KNTC1: variants seen among roughly 807,000 people sequenced by gnomAD.
The protein encoded by KNTC1 is kinetochore-associated protein 1.
KNTC1 carries 253 observed loss-of-function variants against 314.4 expected under a neutral mutation model. That is an observed-to-expected ratio of 0.80 (90% CI 0.73 to 0.89). KNTC1 has a LOEUF of 0.89. Among genes scored for constraint, KNTC1 ranks in the 40% least tolerant of loss-of-function variants. The pLI is 0.00. For missense variants in KNTC1, 2,475 were observed against 2,572.9 expected, an observed-to-expected ratio of 0.96 and a Z score of 0.82; for synonymous variants, 901 against 901.4, an observed-to-expected ratio of 1.00 and a Z score of 0.01.
At chr12:122,531,262 T>C (rs1961291378) in intron 2 of KNTC1, among the ~76,000 whole-genome samples, 2 of 152,070 alleles carry the variant, frequency 1.3e-5, no homozygotes, top group African/African-American at 4.8e-5. Context: ...CTTGCTGTGG[T>C]GCTATCTCGG....
intron 20 of KNTC1, among the ~76,000 whole-genome samples, chr12:122,563,171 TGTC>T (rs1222951636): frequency 6.6e-6 from 1 of 152,034 alleles, no homozygotes; most frequent in Non-Finnish European, 1.5e-5. Context: ...ACATCCTTGT[TGTC>T]ATTTCTTCTT....
At chr12:122,613,042 A>T in intron 53 of KNTC1, 70 bp from the exon 54 acceptor site, 1 of 786,290 alleles carries the variant, frequency 1.3e-6, no homozygotes, top group Non-Finnish European at 2.2e-6. Context: ...TATGTTGCCT[A>T]TGTTGAAACT....
At chr12:122,562,472 TGTGTG>T (rs1369678626) in intron 19 of KNTC1, among the ~76,000 whole-genome samples, 161 bp from the exon 20 acceptor site, 18 of 151,024 alleles carry the variant, frequency 1.2e-4, no homozygotes, top group Admixed American at 6.6e-5. Context: ...TGTGTGTGTG[TGTGTG>T]TGTATGTGTG....
At chr12:122,618,294 T>G (rs947388105) in intron 57 of KNTC1, 49 bp from the exon 58 acceptor site, 1 of 1,558,614 alleles carries the variant, frequency 6.4e-7, no homozygotes, top group Non-Finnish European at 8.8e-7. Flanking sequence ...TAAAGAGAGT[T>G]TGTAATATCC....
At chr12:122,600,044 G>T (rs1171917324) in intron 44 of KNTC1, among the ~76,000 whole-genome samples, 2 of 151,744 alleles carry the variant, frequency 1.3e-5, no homozygotes, top group Non-Finnish European at 2.9e-5. Flanking sequence ...AAAAGTAATG[G>T]TGTGTGGGTA....
chr12:122,528,818 A>G (rs1007271528), intron 1 of KNTC1, among the ~76,000 whole-genome samples: 1 of 152,126 alleles, frequency 6.6e-6, no homozygotes, highest in Non-Finnish European at 1.5e-5. Flanking sequence ...TGTGGAACAC[A>G]TGGATATTGA....
chr12:122,601,735 ACT>A (rs1871941381), intron 45 of KNTC1, 110 bp downstream of exon 45: 1 of 1,064,356 alleles, frequency 9.4e-7, no homozygotes, highest in Admixed American at 4.3e-5. Flanking sequence ...TTCCCTTTAA[ACT>A]CTGTGGTTTA....
chr12:122,580,999 G>A (rs1965386863), intron 33 of KNTC1, among the ~76,000 whole-genome samples: 1 of 146,594 alleles, frequency 6.8e-6, no homozygotes, highest in Non-Finnish European at 1.5e-5. Context: ...CTGGACTCCA[G>A]CCTGGGTGAC....
intron 4 of KNTC1, 47 bp downstream of exon 4, chr12:122,538,501 A>C: frequency 9.2e-7 from 1 of 1,084,522 alleles, no homozygotes; most frequent in Non-Finnish European, 1.3e-6. Flanking sequence ...ATTCTAAATA[A>C]TCTCTTAGAC....
At chr12:122,583,692 G>C (rs1868780862) in intron 34 of KNTC1, among the ~76,000 whole-genome samples, 1 of 152,050 alleles carries the variant, frequency 6.6e-6, no homozygotes, top group Non-Finnish European at 1.5e-5. Context: ...CGGGTGTGGT[G>C]GTGGGCACCT....
chr12:122,567,984 A>AGTTT (rs1013050966), intron 20 of KNTC1, among the ~76,000 whole-genome samples: 1 of 152,196 alleles, frequency 6.6e-6, no homozygotes, highest in Non-Finnish European at 1.5e-5. Flanking sequence ...AACAAACAAG[A>AGTTT]GTGAAAAATA....
intron 26 of KNTC1, among the ~76,000 whole-genome samples, chr12:122,573,944 C>G (rs1388782212): frequency 2.0e-5 from 3 of 152,054 alleles, no homozygotes; most frequent in Admixed American, 2.0e-4. Flanking sequence ...GTACTTTCTT[C>G]AAAGGGCTAT....
intron 62 of KNTC1, among the ~76,000 whole-genome samples, chr12:122,623,809 G>A (rs7974671): frequency 0.076 from 11,529 of 152,208 alleles, 565 homozygotes; most frequent in Middle Eastern, 0.13. Flanking sequence ...GCTTACTCCT[G>A]TAATCCCAGC....
rs143939277 is a variant in KNTC1, at chr12:122,587,718, C to G, written c.3738C>G (p.Gly1246=). ...TCCTTTATCACTCTGCAGGAGATGG[C>G]CTTGTTTTACCTGTTATAAATTCCA... The part of the protein sequence containing the change: ...LPYCSLNEGD[G]LVLPVINSIS... Residue 1246 remains glycine, a synonymous_variant, in exon 39 of 64, where the codon GGC becomes GGG. Transcript: ENST00000333479. The G allele has an allele frequency of 3.1e-6, 5 of 1,611,014 alleles. No homozygotes were observed. The South Asian group carries it at 5.5e-5, about 18-fold the overall frequency.
At chr12:122,591,843 G>A (rs1870246408) in intron 42 of KNTC1, among the ~76,000 whole-genome samples, 1 of 152,234 alleles carries the variant, frequency 6.6e-6, no homozygotes, top group African/African-American at 2.4e-5. Flanking sequence ...AACTCCTAGT[G>A]AGAGGTGACA....
Position 122,611,139 on chromosome 12 carries a change from T to C in KNTC1, c.5622+239T>C. 8.2e-6 allele frequency: 4 copies of C among 489,648 alleles called. No homozygotes were observed. In the South Asian group the frequency reaches 1.0e-4, roughly 12 times the overall value. 30.3% of individuals were successfully genotyped at this position (489,648 alleles called of 1,614,324 possible). On this transcript the variant is annotated intron_variant, in intron 53 of 63. Transcript: ENST00000333479. ...TGGTGCACCTATTGACAGTTTCCAC[T>C]GGCTGTCTGCATTCACAGTGGTTAA... is the stretch of plus-strand genomic sequence containing the variant.
At chr12:122,532,425 T>C (rs574937484) in intron 2 of KNTC1, among the ~76,000 whole-genome samples, 4 of 151,858 alleles carry the variant, frequency 2.6e-5, no homozygotes, top group Non-Finnish European at 5.9e-5. Context: ...AGCAGGATGG[T>C]CTCGATCTCT....
rs1963690082 is a variant in KNTC1 at position 122,557,665 on chromosome 12, G to T, written c.1464G>T (p.Glu488Asp). ...GGATAACCTATGAAACCACTCAAGA[G>T]ATGCTGAATTATGCCAAAACCAGGG... ...AQWITYETTQ[E>D]MLNYAKTRLL... Residue 488 changes from glutamate to aspartate, a missense_variant, in exon 18 of 64, where the codon GAG becomes GAT. Coordinates refer to ENST00000333479, the MANE Select transcript of KNTC1 (RefSeq NM_014708.6). 6.2e-7 allele frequency: 1 copy of T among 1,613,164 alleles called. No individual in the cohort carries two copies. Among genetic ancestry groups the T allele is most frequent in the African/African-American group, 1.3e-5 (1 of 75,048 alleles).
At position 122,588,803 on chromosome 12, in the gene KNTC1, C is replaced by T. The variant is rs545256990; in HGVS notation, c.3986C>T (p.Thr1329Ile). Residue 1329 changes from threonine (T) to isoleucine (I), a missense_variant, in exon 40 of 64, where the codon ACA becomes ATA. Physicochemically the swap from Thr to Ile is moderately conservative, Grantham distance 89 (BLOSUM62 -1). Coordinates refer to ENST00000333479, the MANE Select transcript of KNTC1 (RefSeq NM_014708.6). ...AVIFIRENAT[T>I]LLHKVFNCRL... ...ATATTTATCAGGGAAAATGCTACAA[C>T]ACTACTGCACAAAGTAAGTATTTGT... The T allele has an allele frequency of 1.7e-5, 26 of 1,535,410 alleles. No homozygotes were observed.
Sources: gnomAD v4.1 joint callset for allele counts (sites outside exome capture counted in the v4.1 genomes callset) on GRCh38, gnomAD v4.1.1 for gene constraint, MANE v1.5 for transcripts, NCBI Gene and HGNC (gene_info 2026-07-23, HGNC 2026-07-21) for gene names.